The following SCTR variants were observed in gnomAD, a reference collection of about 807,000 sequenced individuals.
SCTR encodes pancreatic secretin receptor.
In SCTR, 56 loss-of-function variants were observed where a neutral mutation model predicts 60.8. That is an observed-to-expected ratio of 0.92 (90% CI 0.74 to 1.15). SCTR has a LOEUF of 1.15. Among genes scored for constraint, SCTR ranks in the 50% most tolerant of loss-of-function variants. The probability of loss-of-function intolerance (pLI) is 0.00; values close to 1 mark genes in which losing one functional copy is unlikely to be tolerated. For missense variants in SCTR, 562 were observed against 550.4 expected, an observed-to-expected ratio of 1.02 and a Z score of -0.21; for synonymous variants, 202 against 217.0, an observed-to-expected ratio of 0.93 and a Z score of 0.61.
At chr2:119,471,635 C>T (rs1677017861) in intron 4 of SCTR, among the ~76,000 whole-genome samples, 1 of 152,200 alleles carries the variant, frequency 6.6e-6, no homozygotes, top group Non-Finnish European at 1.5e-5. Flanking sequence ...CACTCTCCAC[C>T]CGTGCTTTCT....
intron 1 of SCTR, among the ~76,000 whole-genome samples, chr2:119,519,094 A>T (rs1679204671): frequency 6.6e-6 from 1 of 152,008 alleles, no homozygotes. Context: ...CAGCTTCCCG[A>T]GTAGCTGAGA....
At chr2:119,501,437 G>A (rs1678548510) in intron 1 of SCTR, among the ~76,000 whole-genome samples, 1 of 152,006 alleles carries the variant, frequency 6.6e-6, no homozygotes, top group Admixed American at 6.5e-5. Context: ...ATCTCTTGGA[G>A]GTAGAGAATA....
intron 4 of SCTR, among the ~76,000 whole-genome samples, chr2:119,467,829 A>G (rs1443574178): frequency 6.6e-6 from 1 of 152,232 alleles, no homozygotes; most frequent in Non-Finnish European, 1.5e-5. Context: ...ATGCTGATAT[A>G]TTATTACATG....
chr2:119,455,618 C>T (rs1437409666), intron 7 of SCTR, among the ~76,000 whole-genome samples: 1 of 152,102 alleles, frequency 6.6e-6, no homozygotes, highest in East Asian at 1.9e-4. Flanking sequence ...ATGATAACCA[C>T]AATTAAACAC....
At chr2:119,515,594 C>G (rs1433874235) in intron 1 of SCTR, among the ~76,000 whole-genome samples, 3 of 152,188 alleles carry the variant, frequency 2.0e-5, no homozygotes, top group Non-Finnish European at 4.4e-5. Context: ...CTCTCTCTTT[C>G]CTGGAACTGG....
At chr2:119,453,589 T>C (rs1488789560) in intron 7 of SCTR, among the ~76,000 whole-genome samples, 1 of 152,088 alleles carries the variant, frequency 6.6e-6, no homozygotes, top group Non-Finnish European at 1.5e-5. Context: ...GGCCACTTGG[T>C]GTTAGGGGTC....
intron 7 of SCTR, among the ~76,000 whole-genome samples, chr2:119,457,065 C>T (rs1238455773): frequency 6.6e-6 from 1 of 152,128 alleles, no homozygotes; most frequent in Non-Finnish European, 1.5e-5. Flanking sequence ...TTTTAAGCCA[C>T]CAAGTTTGTG....
Position 119,446,802 on chromosome 2 carries a change from A to C in SCTR, c.1097T>G (p.Met366Arg). The C allele has an allele frequency of 6.3e-7, 1 of 1,575,820 alleles. No homozygotes were observed. The change falls in exon 11 of 13, where the codon ATG (methionine) becomes AGG (arginine). Residue 366 changes from methionine (M) to arginine (R), a missense_variant. Met to Arg is a moderately conservative substitution (Grantham distance 91). Coordinates refer to ENST00000019103, the MANE Select transcript of SCTR (RefSeq NM_002980.3). ...IVFAFSPEDAMEIQLFFELAL... is the reference protein window; with the variant it reads ...IVFAFSPEDAREIQLFFELAL... ...TAGTTCAAAAAACAGCTGGATCTCC[A>C]TAGCGTCCTCTGGGGAGAAGGCGAA... is the stretch of plus-strand genomic sequence containing the variant.
At chr2:119,505,909 T>A (rs1678725417) in intron 1 of SCTR, among the ~76,000 whole-genome samples, 1 of 152,172 alleles carries the variant, frequency 6.6e-6, no homozygotes, top group Non-Finnish European at 1.5e-5. Context: ...CACATGAACA[T>A]GTATTCAACA....
At chr2:119,449,470 C>T (rs1683062400) in intron 9 of SCTR, among the ~76,000 whole-genome samples, 1 of 152,126 alleles carries the variant, frequency 6.6e-6, no homozygotes, top group Admixed American at 6.5e-5. Flanking sequence ...AGGTCAAATG[C>T]ATGTGTCTGT....
intron 1 of SCTR, among the ~76,000 whole-genome samples, chr2:119,504,084 A>G (rs1414529640): frequency 3.3e-5 from 5 of 152,238 alleles, no homozygotes; most frequent in Non-Finnish European, 7.3e-5. Flanking sequence ...CAATGGACAC[A>G]ATAGAAAACC....
chr2:119,463,101 C>T (rs1415044699), intron 6 of SCTR, among the ~76,000 whole-genome samples: 1 of 151,968 alleles, frequency 6.6e-6, no homozygotes. Flanking sequence ...CTGAACAATA[C>T]AAACAGGTGA....
intron 2 of SCTR, among the ~76,000 whole-genome samples, chr2:119,490,792 C>T (rs902582948): frequency 1.3e-5 from 2 of 152,210 alleles, no homozygotes; most frequent in Non-Finnish European, 2.9e-5. Context: ...CTCACTTTCA[C>T]CCACTGGCCC....
intron 1 of SCTR, among the ~76,000 whole-genome samples, chr2:119,511,625 A>C (rs944210894): frequency 1.3e-5 from 2 of 152,062 alleles, no homozygotes; most frequent in Non-Finnish European, 2.9e-5. Flanking sequence ...TCTGTCTCAG[A>C]GTTCTCCTTC....
At chr2:119,514,144 T>C (rs1195825241) in intron 1 of SCTR, among the ~76,000 whole-genome samples, 3 of 152,208 alleles carry the variant, frequency 2.0e-5, no homozygotes, top group Non-Finnish European at 4.4e-5. Context: ...TTTCTTTGGG[T>C]TATTTTTCCA....
intron 7 of SCTR, among the ~76,000 whole-genome samples, chr2:119,459,839 A>T (rs1683528900): frequency 6.6e-6 from 1 of 152,190 alleles, no homozygotes; most frequent in African/African-American, 2.4e-5. Flanking sequence ...TGGTCCTGAT[A>T]TTATAGATGG....
chr2:119,449,057 G>A lies in SCTR; in HGVS notation c.922-277C>T, dbSNP rs536787901. ...GCAAGGCAGATCACTCACCCGTGCA[G>A]AGCATTGGAAGCCCCCGGGGATATT... is the stretch of plus-strand genomic sequence containing the variant. On this transcript the variant is annotated intron_variant, in intron 9 of 12. Transcript: ENST00000019103. 5.9e-5 allele frequency among the ~76,000 whole-genome samples: 9 copies of A among 152,356 alleles called. No homozygotes were observed. The South Asian group carries it at 1.9e-3, about 32-fold the overall frequency.
chr2:119,445,388 A>C (rs1397764265), intron 11 of SCTR, among the ~76,000 whole-genome samples: 1 of 152,180 alleles, frequency 6.6e-6, no homozygotes, highest in Non-Finnish European at 1.5e-5. Context: ...AGTTCTCTGG[A>C]GGTCTGGGGC....
At chr2:119,443,321 ACAAG>A (rs938993752) in intron 11 of SCTR, among the ~76,000 whole-genome samples, 1 of 152,252 alleles carries the variant, frequency 6.6e-6, no homozygotes, top group Non-Finnish European at 1.5e-5. Flanking sequence ...ATTAAACAAA[ACAAG>A]CAAGATACAA....
Sources: allele counts gnomAD v4.1 joint callset (sites outside exome capture counted in the v4.1 genomes callset), GRCh38; gene constraint gnomAD v4.1.1; transcripts MANE v1.5; gene names NCBI Gene and HGNC (gene_info 2026-07-23, HGNC 2026-07-21).